Variants in PLCB1 observed in about 807,000 individuals in gnomAD.
PLCB1 encodes the protein 1-phosphatidylinositol 4,5-bisphosphate phosphodiesterase beta-1.
In PLCB1, 46 loss-of-function variants were observed where a neutral mutation model predicts 161.8. The ratio of observed to expected loss-of-function variants is 0.28; its 90% CI spans 0.22 to 0.36. The LOEUF (loss-of-function observed/expected upper bound fraction) is 0.36. Ranked by LOEUF, PLCB1 falls within the 10% of genes least tolerant of loss-of-function variation. PLCB1 has a pLI of 1.00. For synonymous variants in PLCB1, 517 were observed against 503.7 expected (o/e 1.03, Z -0.35); for missense variants, 1,016 against 1,472.5 (o/e 0.69, Z 5.07).
At chr20:8,780,975 A>AC (rs1415343526) in intron 27 of PLCB1, among the ~76,000 whole-genome samples, 2 of 152,262 alleles carry the variant, frequency 1.3e-5, no homozygotes, top group Non-Finnish European at 2.9e-5. Context: ...ATGCACTTCA[A>AC]ATATAAACAA....
chr20:8,509,087 G>T (rs1225886033), intron 3 of PLCB1, among the ~76,000 whole-genome samples: 1 of 152,054 alleles, frequency 6.6e-6, no homozygotes, highest in African/African-American at 2.4e-5. Context: ...GCTTTTAATT[G>T]TATATTTTTT....
chr20:8,858,659 A>C (rs1290992593), intron 31 of PLCB1, among the ~76,000 whole-genome samples: 1 of 152,030 alleles, frequency 6.6e-6, no homozygotes, highest in Non-Finnish European at 1.5e-5. Flanking sequence ...TGACCTTCAC[A>C]TGGCTTGTTT....
intron 2 of PLCB1, among the ~76,000 whole-genome samples, chr20:8,360,660 C>T (rs1393537282): frequency 6.6e-6 from 1 of 152,158 alleles, no homozygotes; most frequent in East Asian, 1.9e-4. Flanking sequence ...TATCCAGCTC[C>T]TACCCCCACA....
At chr20:8,870,512 T>C (rs1334604924) in intron 31 of PLCB1, among the ~76,000 whole-genome samples, 3 of 152,304 alleles carry the variant, frequency 2.0e-5, no homozygotes, top group Non-Finnish European at 4.4e-5. Context: ...TATGCATATA[T>C]AGAGGAGTTC....
intron 10 of PLCB1, among the ~76,000 whole-genome samples, chr20:8,694,417 T>C (rs1215669246): frequency 6.6e-6 from 1 of 152,196 alleles, no homozygotes; most frequent in Non-Finnish European, 1.5e-5. Flanking sequence ...CTCTTTCTCT[T>C]TTTTATTCTT....
At chr20:8,184,858 G>A (rs955166157) in intron 2 of PLCB1, among the ~76,000 whole-genome samples, 2 of 150,536 alleles carry the variant, frequency 1.3e-5, no homozygotes, top group Non-Finnish European at 3.0e-5. Flanking sequence ...TTGTTACATA[G>A]GTATATATGT....
At chr20:8,294,360 A>T (rs1386639034) in intron 2 of PLCB1, among the ~76,000 whole-genome samples, 1 of 151,996 alleles carries the variant, frequency 6.6e-6, no homozygotes, top group African/African-American at 2.4e-5. Flanking sequence ...TACCCAATAA[A>T]CTGGTGAAAA....
intron 2 of PLCB1, among the ~76,000 whole-genome samples, chr20:8,315,574 G>A (rs1359626744): frequency 6.6e-6 from 1 of 152,138 alleles, no homozygotes; most frequent in Non-Finnish European, 1.5e-5. Context: ...TTGTGTTCTT[G>A]TGTTCTTAGT....
Position 8,783,646 on chromosome 20 carries a change from G to A in PLCB1, c.3112-4803G>A, listed in dbSNP as rs189392381. Reference sequence around the variant, plus strand: ...AGGGTATATACTAGAAAAGTACAAAGGGTATATCACATAAGAAAGGGGGCT... The same window carrying A: ...AGGGTATATACTAGAAAAGTACAAAAGGTATATCACATAAGAAAGGGGGCT... On this transcript the variant is annotated intron_variant, in intron 27 of 31. Coordinates refer to ENST00000338037, the MANE Select transcript of PLCB1 (RefSeq NM_015192.4). Among the ~76,000 whole-genome samples the A allele has an allele frequency of 2.9e-3, 438 of 152,268 alleles. 2 individuals are homozygous for A. The highest frequency in any genetic ancestry group is 5.0e-3 in the Non-Finnish European group (342 of 68,028).
chr20:8,601,090 C>T (rs144379240), intron 3 of PLCB1, among the ~76,000 whole-genome samples: 59 of 152,160 alleles, frequency 3.9e-4, no homozygotes, highest in Non-Finnish European at 6.2e-4. Context: ...AGCTGTAGAC[C>T]GGAGCTGTTC....
chr20:8,486,185 T>C (rs1332793513), intron 3 of PLCB1, among the ~76,000 whole-genome samples: 1 of 152,134 alleles, frequency 6.6e-6, no homozygotes, highest in South Asian at 2.1e-4. Flanking sequence ...ATGGGGATTA[T>C]GGGAACTACA....
At chr20:8,745,545 T>G (rs1052722279) in intron 23 of PLCB1, among the ~76,000 whole-genome samples, 5 of 152,060 alleles carry the variant, frequency 3.3e-5, no homozygotes, top group Non-Finnish European at 7.4e-5. Flanking sequence ...CCCCCATGAT[T>G]TGAACAATAG....
At chr20:8,868,741 T>G (rs540877408) in intron 31 of PLCB1, among the ~76,000 whole-genome samples, 1 of 152,166 alleles carries the variant, frequency 6.6e-6, no homozygotes, top group Non-Finnish European at 1.5e-5. Flanking sequence ...AAGTGATTCT[T>G]GCGCCTCAGC....
chr20:8,559,428 C>A (rs567806894), intron 3 of PLCB1, among the ~76,000 whole-genome samples: 1 of 151,946 alleles, frequency 6.6e-6, no homozygotes, highest in Non-Finnish European at 1.5e-5. Flanking sequence ...ACATATAGAA[C>A]ACAAATAGTA....
chr20:8,261,696 T>C (rs945759027), intron 2 of PLCB1, among the ~76,000 whole-genome samples: 9 of 152,174 alleles, frequency 5.9e-5, no homozygotes, highest in African/African-American at 1.4e-4. Context: ...GCATGATATC[T>C]CCTGAGTCTT....
At chr20:8,516,523 A>T (rs545621546) in intron 3 of PLCB1, among the ~76,000 whole-genome samples, 1 of 151,958 alleles carries the variant, frequency 6.6e-6, no homozygotes, top group East Asian at 1.9e-4. Flanking sequence ...CCTTTTATAC[A>T]TGTAAGTACA....
intron 31 of PLCB1, among the ~76,000 whole-genome samples, chr20:8,818,174 T>G (rs1226698402): frequency 6.6e-6 from 1 of 152,184 alleles, no homozygotes; most frequent in Non-Finnish European, 1.5e-5. Flanking sequence ...ATTCACAAAT[T>G]CATAGATTAA....
chr20:8,746,645 A>G (rs1981187837), intron 23 of PLCB1, among the ~76,000 whole-genome samples: 2 of 152,176 alleles, frequency 1.3e-5, no homozygotes, highest in African/African-American at 4.8e-5. Context: ...ATGCCTGGCC[A>G]TGAAGCTTTT....
rs138657612 is a variant in PLCB1, at chr20:8,853,980, C to T, written c.3424-27642C>T. Among the ~76,000 whole-genome samples the T allele has an allele frequency of 2.4e-4, 37 of 152,198 alleles. 1 individual carries two copies. In the East Asian group the frequency reaches 6.6e-3, roughly 27 times the overall value. On this transcript the variant is annotated intron_variant, in intron 31 of 31. Transcript: ENST00000338037. ...TCACCACTAGAGGGCAAGAGGAGCC[C>T]CACAATGCTTGACATTGCCAGATCT...
Sources: allele counts gnomAD v4.1 joint callset (sites outside exome capture counted in the v4.1 genomes callset), GRCh38; gene constraint gnomAD v4.1.1; transcripts MANE v1.5; gene names NCBI Gene and HGNC (gene_info 2026-07-23, HGNC 2026-07-21).